Variants in PARD3B observed in about 807,000 individuals in gnomAD.
The protein encoded by PARD3B is par-3 family cell polarity regulator beta, also known as partitioning defective 3 homolog B.
PARD3B carries 103 observed loss-of-function variants against 130.2 expected under a neutral mutation model. The ratio of observed to expected loss-of-function variants is 0.79; its 90% confidence interval spans 0.67 to 0.93. The LOEUF (loss-of-function observed/expected upper bound fraction) is 0.93, where lower values mean the gene tolerates loss of function less well. Ranked by LOEUF, PARD3B falls within the 40% of genes least tolerant of loss-of-function variation. The probability of loss-of-function intolerance (pLI) is 0.00; values close to 1 mark genes in which losing one functional copy is unlikely to be tolerated. For missense variants in PARD3B, 1,609 were observed against 1,499.2 expected, an observed-to-expected ratio of 1.07 and a Z score of -1.21; for synonymous variants, 583 against 553.2, an observed-to-expected ratio of 1.05 and a Z score of -0.76.
chr2:205,219,265 G>A lies in PARD3B; in HGVS notation c.2140+25945G>A, dbSNP rs141891617. 4.4e-3 allele frequency among the ~76,000 whole-genome samples: 673 copies of A among 152,226 alleles called. 2 individuals carry two copies. Among genetic ancestry groups the A allele is most frequent in the Non-Finnish European group, 6.9e-3 (469 of 68,008 alleles). ...AATCGCCTTTTCTGCAGAAAGGAGC[G>A]TGATTTAAGTGAGCTCATCTAATAG... On this transcript the variant is annotated intron_variant, in intron 15 of 22. Transcript: ENST00000406610.
intron 11 of PARD3B, among the ~76,000 whole-genome samples, chr2:205,166,802 A>G (rs1425342544): frequency 6.6e-6 from 1 of 152,182 alleles, no homozygotes; most frequent in Non-Finnish European, 1.5e-5. Context: ...ATTCCAGGGA[A>G]CATCTGCTCT....
intron 4 of PARD3B, among the ~76,000 whole-genome samples, chr2:205,052,529 ACT>A (rs998310886): frequency 6.8e-6 from 1 of 147,760 alleles, no homozygotes; most frequent in African/African-American, 2.5e-5. Flanking sequence ...GGGTCTGTTA[ACT>A]CTCTGAAGTT....
intron 2 of PARD3B, among the ~76,000 whole-genome samples, chr2:204,852,820 T>A (rs1474762197): frequency 1.3e-5 from 2 of 152,214 alleles, no homozygotes; most frequent in African/African-American, 4.8e-5. Flanking sequence ...GAATAGGGAC[T>A]GTTGAATATT....
chr2:205,392,823 G>A (rs761485453), intron 18 of PARD3B, among the ~76,000 whole-genome samples: 1 of 152,180 alleles, frequency 6.6e-6, no homozygotes, highest in Non-Finnish European at 1.5e-5. Flanking sequence ...CATAGCCAAG[G>A]CAGTGTGGGG....
At chr2:204,737,028 C>CCT in intron 2 of PARD3B, among the ~76,000 whole-genome samples, 1 of 152,178 alleles carries the variant, frequency 6.6e-6, no homozygotes. Context: ...GCTCACTGGA[C>CCT]CTCTGCCTCT....
intron 1 of PARD3B, among the ~76,000 whole-genome samples, chr2:204,553,496 C>G (rs2030621828): frequency 6.7e-6 from 1 of 149,628 alleles, no homozygotes; most frequent in South Asian, 2.1e-4. Context: ...TGGAACCAAC[C>G]CAAATGCCCA....
At chr2:205,113,261 C>T (rs1467062645) in intron 5 of PARD3B, among the ~76,000 whole-genome samples, 2 of 152,088 alleles carry the variant, frequency 1.3e-5, no homozygotes, top group African/African-American at 4.8e-5. Context: ...CCATTTGTTC[C>T]TCTTCTAGGA....
At chr2:204,839,304 C>T (rs1377357818) in intron 2 of PARD3B, among the ~76,000 whole-genome samples, 5 of 152,252 alleles carry the variant, frequency 3.3e-5, no homozygotes, top group Admixed American at 6.5e-5. Flanking sequence ...CACATATCAT[C>T]GTATCAATTT....
intron 2 of PARD3B, among the ~76,000 whole-genome samples, chr2:204,878,676 TGTAA>T (rs1454764544): frequency 2.0e-5 from 3 of 152,186 alleles, no homozygotes; most frequent in Admixed American, 6.5e-5. Flanking sequence ...TACGTATAGA[TGTAA>T]GTGTGTTTAT....
intron 20 of PARD3B, among the ~76,000 whole-genome samples, chr2:205,478,637 C>T (rs1456737204): frequency 1.3e-5 from 2 of 152,150 alleles, no homozygotes; most frequent in African/African-American, 2.4e-5. Context: ...TGCTAGAAAG[C>T]GATATGCTTA....
chr2:205,541,464 T>C (rs2052134576), intron 21 of PARD3B, among the ~76,000 whole-genome samples: 1 of 151,774 alleles, frequency 6.6e-6, no homozygotes, highest in Admixed American at 6.6e-5. Context: ...TTCTCCTGTC[T>C]CAGCCTCCCA....
intron 15 of PARD3B, among the ~76,000 whole-genome samples, chr2:205,204,806 A>G (rs912436565): frequency 1.3e-5 from 2 of 152,070 alleles, no homozygotes; most frequent in African/African-American, 4.8e-5. Flanking sequence ...CCATTGGTCT[A>G]TATATCTGTT....
chr2:205,450,889 T>A lies in PARD3B; in HGVS notation c.3044+10217T>A, dbSNP rs528497027. 4.9e-4 allele frequency among the ~76,000 whole-genome samples: 74 copies of A among 152,274 alleles called. 1 individual carries two copies. The highest frequency in any genetic ancestry group is 6.8e-4 in the Non-Finnish European group (46 of 68,014). On this transcript the variant is annotated intron_variant, in intron 20 of 22. Transcript: ENST00000406610. ...GTTACAAACCATAACTCATTAGATA[T>A]CCCTAAGCTCATCATCGGAACTGAG...
chr2:205,493,473 C>T (rs189578896), intron 20 of PARD3B, among the ~76,000 whole-genome samples: 1 of 152,078 alleles, frequency 6.6e-6, no homozygotes, highest in Admixed American at 6.5e-5. Flanking sequence ...CAAAAATTAA[C>T]ACCATACTTA....
At chr2:205,437,359 G>C (rs10175496) in intron 19 of PARD3B, among the ~76,000 whole-genome samples, 1 of 152,028 alleles carries the variant, frequency 6.6e-6, no homozygotes, top group Non-Finnish European at 1.5e-5. Flanking sequence ...TACTCTTTAA[G>C]GAAGATTATT....
intron 5 of PARD3B, among the ~76,000 whole-genome samples, chr2:205,111,747 G>T (rs2125593683): frequency 1.3e-5 from 2 of 152,124 alleles, no homozygotes; most frequent in Admixed American, 1.3e-4. Flanking sequence ...GATTTGTGTT[G>T]TGCTTTCAGT....
chr2:205,527,354 G>A (rs1382067529), intron 21 of PARD3B, among the ~76,000 whole-genome samples: 1 of 152,084 alleles, frequency 6.6e-6, no homozygotes, highest in Non-Finnish European at 1.5e-5. Context: ...TTTTTTTACT[G>A]CAGTAAGGAT....
intron 21 of PARD3B, among the ~76,000 whole-genome samples, chr2:205,547,916 T>C (rs1466454331): frequency 2.0e-5 from 3 of 152,138 alleles, no homozygotes; most frequent in African/African-American, 7.2e-5. Context: ...GGCTCTGGAA[T>C]TGAAGGTGAC....
rs1028368591 is a variant in PARD3B at position 205,503,027 on chromosome 2, CTCTCTCT to C, written c.3180+3006_3180+3012del. On this transcript the variant is annotated intron_variant, in intron 21 of 22. Transcript: ENST00000406610. ...TCCCCTCTCCCCTCTCCCCTCTCCC[CTCTCTCT>C]TCTCTCTTCCCTCTTCCCTCTTCCC... Among the ~76,000 whole-genome samples, 433 of 148,450 alleles carry C rather than the reference CTCTCTCT, an allele frequency of 2.9e-3. 3 individuals are homozygous for C. The highest frequency in any genetic ancestry group is 8.2e-3 in the African/African-American group (333 of 40,592).
Sources: allele counts gnomAD v4.1 joint callset (sites outside exome capture counted in the v4.1 genomes callset), GRCh38; gene constraint gnomAD v4.1.1; transcripts MANE v1.5; gene names NCBI Gene and HGNC (gene_info 2026-07-23, HGNC 2026-07-21).